JAKMIP3: variants seen among roughly 807,000 people sequenced by gnomAD.
JAKMIP3 encodes janus kinase and microtubule-interacting protein 3.
A neutral mutation model predicts 118.5 loss-of-function variants in JAKMIP3; 58 were observed. The observed-to-expected ratio is 0.49, with a 90% CI of 0.40 to 0.61. The LOEUF is 0.61. Ranked by LOEUF, JAKMIP3 falls within the 20% of genes least tolerant of loss-of-function variation. The pLI, the probability that JAKMIP3 is intolerant of heterozygous loss-of-function variation, is 0.00. For synonymous variants in JAKMIP3, 486 were observed against 451.2 expected (o/e 1.08, Z -0.98); for missense variants, 950 against 1,109.0 (o/e 0.86, Z 2.04).
chr10:132,044,904 A>AC lies in JAKMIP3; in HGVS notation c.-138+8168dup, dbSNP rs146224323. On this transcript the variant is annotated intron_variant, in intron 1 of 23. Coordinates refer to the JAKMIP3 transcript ENST00000657785. The surrounding 1 kb of genome is among the most constrained non-coding windows in gnomAD (Gnocchi z 5.3). ...TGCGTGTGTGTGACTGGCGTGCTTC[A>AC]CCGTGTTGCATGCGCGTCAGGATTT... Among the ~76,000 whole-genome samples the AC allele has an allele frequency of 0.15, 22,350 of 151,434 alleles. 1,894 individuals are homozygous for AC. Among genetic ancestry groups the AC allele is most frequent in the African/African-American group, 0.21 (8,549 of 41,218 alleles).
intron 8 of JAKMIP3, among the ~76,000 whole-genome samples, chr10:132,137,730 G>A (rs949532700): frequency 2.6e-5 from 4 of 152,212 alleles, no homozygotes; most frequent in Non-Finnish European, 4.4e-5. Flanking sequence ...TTTTAAGGGC[G>A]CCAGTCCCCA....
At chr10:132,061,465 G>T (rs1404016892), upstream of JAKMIP3, among the ~76,000 whole-genome samples, 1 of 152,180 alleles carries the variant, frequency 6.6e-6, no homozygotes, top group Non-Finnish European at 1.5e-5. Context: ...TTTCTTTCCC[G>T]GTTAATCTAT....
intron 9 of JAKMIP3, among the ~76,000 whole-genome samples, chr10:132,139,240 CTGTGTGTGTA>C (rs1353523916): frequency 0.026 from 2,211 of 84,892 alleles, 128 homozygotes; most frequent in African/African-American, 0.091. Context: ...GTATATGCAT[CTGTGTGTGTA>C]TGTGTGTGTG....
chr10:132,038,935 G>A (rs1231493787), intron 1 of JAKMIP3, among the ~76,000 whole-genome samples: 3 of 152,160 alleles, frequency 2.0e-5, no homozygotes, highest in Admixed American at 1.3e-4. Flanking sequence ...GGAGAAGCCC[G>A]GGATGGGCTG....
rs374759255 is a variant in JAKMIP3, at chr10:132,089,024, G to A, written c.-137-15648G>A. ...TCAAAGATCAGATGGTTGTAGATGT[G>A]TGGTATTATTTCTGAGGGCTCTGTT... On this transcript the variant is annotated intron_variant, in intron 1 of 23. Transcript: ENST00000684848. 6.6e-5 allele frequency among the ~76,000 whole-genome samples: 10 copies of A among 152,164 alleles called. No individual in the cohort carries two copies. In the East Asian group the frequency reaches 1.2e-3, roughly 18 times the overall value.
chr10:132,068,862 C>A (rs1054435062), intron 1 of JAKMIP3, among the ~76,000 whole-genome samples: 6 of 152,138 alleles, frequency 3.9e-5, no homozygotes, highest in African/African-American at 1.4e-4. Context: ...TCATGGGAAA[C>A]CCTCTCCTTG....
At chr10:132,129,081 T>C (rs2050133058) in intron 3 of JAKMIP3, among the ~76,000 whole-genome samples, 1 of 152,196 alleles carries the variant, frequency 6.6e-6, no homozygotes, top group Non-Finnish European at 1.5e-5. Flanking sequence ...CTGCGCATTA[T>C]GTTATTGTTG....
rs747495856 is a variant in JAKMIP3 at position 132,149,968 on chromosome 10, C to G, written c.1948-14C>G. The stretch of plus-strand genomic sequence containing the variant: ...CCCGTGGCCACTCACCCCTACCTGT[C>G]CTCTGTGCCTTAGGACATTGTGGTT... On this transcript the variant is annotated splice_polypyrimidine_tract_variant and intron_variant, in intron 15 of 23. Transcript: ENST00000684848. The G allele has an allele frequency of 6.7e-7, 1 of 1,492,028 alleles. No homozygotes were observed. Among genetic ancestry groups the G allele is most frequent in the Non-Finnish European group, 8.9e-7 (1 of 1,120,498 alleles). The allele number at this position is 1,492,028 out of a possible 1,614,324, so 92.4% of individuals were successfully genotyped here. A position where few individuals can be genotyped will look rare whatever the true frequency, so the allele number is the denominator to read the frequency against.
chr10:132,143,564 A>G (rs2054010302), intron 11 of JAKMIP3, among the ~76,000 whole-genome samples: 1 of 152,252 alleles, frequency 6.6e-6, no homozygotes, highest in Non-Finnish European at 1.5e-5. Context: ...GTTTAATGTC[A>G]TTTAGAATCA....
Position 132,112,296 on chromosome 10 carries a change from G to A in JAKMIP3, c.136-4781G>A, listed in dbSNP as rs1002069276. ...CCTCAGGTGTGGGAGCGGGGTCTCC[G>A]GGTGGTGGGAGATGCTGCCCAGAGA... On this transcript the variant is annotated intron_variant, in intron 2 of 23. Transcript: ENST00000684848. The surrounding 1 kb of genome is among the most constrained non-coding windows in gnomAD (Gnocchi z 4.3). 2.6e-5 allele frequency among the ~76,000 whole-genome samples: 4 copies of A among 151,946 alleles called. No individual in the cohort carries two copies. The highest frequency in any genetic ancestry group is 4.4e-5 in the Non-Finnish European group (3 of 67,952).
chr10:132,147,677 G>C (rs944645281), intron 13 of JAKMIP3, among the ~76,000 whole-genome samples: 2 of 152,326 alleles, frequency 1.3e-5, no homozygotes, highest in East Asian at 3.9e-4. Context: ...CTGTCCAGGG[G>C]CCACCCAAGC....
intron 8 of JAKMIP3, 75 bp from the exon 9 acceptor site, chr10:132,138,044 C>A: frequency 1.5e-6 from 2 of 1,352,058 alleles, no homozygotes; most frequent in Non-Finnish European, 2.1e-6. Flanking sequence ...TGATGGCACA[C>A]GGGCAGTAAA....
At chr10:132,078,809 C>G (rs1470639287) in intron 1 of JAKMIP3, among the ~76,000 whole-genome samples, 1 of 152,236 alleles carries the variant, frequency 6.6e-6, no homozygotes, top group Admixed American at 6.5e-5. Context: ...TTGGCCCGGC[C>G]GCCAGAACCT....
chr10:132,149,519 C>T lies in JAKMIP3; in HGVS notation c.1947+9C>T, dbSNP rs376677983. ...AGGCCGAAGGTGTGACGGTGAGTCCCGCCCCTCCTGCCCACTCCGCCCCCA... is the reference window on the plus strand; with the variant it reads ...AGGCCGAAGGTGTGACGGTGAGTCCTGCCCCTCCTGCCCACTCCGCCCCCA... On this transcript the variant is annotated intron_variant, in intron 15 of 23. Coordinates refer to ENST00000684848, the MANE Select transcript of JAKMIP3 (RefSeq NM_001323087.2). The T allele has an allele frequency of 1.4e-4, 204 of 1,499,504 alleles. 1 individual carries two copies. Among genetic ancestry groups the T allele is most frequent in the South Asian group, 7.8e-4 (64 of 82,558 alleles). 92.9% of individuals were successfully genotyped at this position (1,499,504 alleles called of 1,614,324 possible).
intron 4 of JAKMIP3, among the ~76,000 whole-genome samples, chr10:132,134,070 G>A (rs78829432): frequency 0.011 from 1,632 of 152,344 alleles, 24 homozygotes; most frequent in African/African-American, 0.036. Flanking sequence ...CTGTCGTGTG[G>A]GGTCTGCCGA....
At position 132,168,137 on chromosome 10, in the gene JAKMIP3, T is replaced by C. The variant is rs1366132023; in HGVS notation, c.*207T>C. On this transcript the variant is annotated 3_prime_UTR_variant, in exon 23 of 24. Transcript: ENST00000684848. ...CCGTCCACGTGGGATGTGCCAGAAC[T>C]AGAACTGGCTCTGCCGACTTCTCGG... The C allele has an allele frequency of 1.6e-6, 2 of 1,286,934 alleles. No homozygotes were observed. Among genetic ancestry groups the C allele is most frequent in the Non-Finnish European group, 2.0e-6 (2 of 987,392 alleles). The allele number at this position is 1,286,934 out of a possible 1,614,324, so 79.7% of individuals were successfully genotyped here. A position where few individuals can be genotyped will look rare whatever the true frequency, so the allele number is the denominator to read the frequency against.
chr10:132,111,351 C>CG (rs964715791), intron 2 of JAKMIP3, among the ~76,000 whole-genome samples: 1 of 151,598 alleles, frequency 6.6e-6, no homozygotes, highest in African/African-American at 2.4e-5. Flanking sequence ...GAGCAGAGAC[C>CG]CCCCCCATGA....
rs869250608 is a variant in JAKMIP3, at chr10:132,180,674, T to TGCGC, written c.*1104-1677_*1104-1674dup. On this transcript the variant is annotated intron_variant, in intron 23 of 23. Coordinates refer to ENST00000684848, the MANE Select transcript of JAKMIP3 (RefSeq NM_001323087.2). Reference sequence around the variant, plus strand: ...GTGCGTGTGCGTGTGTGCGTGTGTGTGCGCGCGCGTGTGTGTGCGTGCGTG... The same window carrying TGCGC: ...GTGCGTGTGCGTGTGTGCGTGTGTGTGCGCGCGCGCGCGTGTGTGTGCGTGCGTG... Among the ~76,000 whole-genome samples, 6 of 19,332 alleles carry TGCGC rather than the reference T, an allele frequency of 3.1e-4. 1 individual carries two copies. The highest frequency in any genetic ancestry group is 1.1e-3 in the African/African-American group (6 of 5,334). The allele number at this position is 19,332 out of a possible 152,430, so 12.7% of individuals were successfully genotyped here.
chr10:132,126,469 A>C (rs574704029), intron 3 of JAKMIP3, among the ~76,000 whole-genome samples: 21 of 152,160 alleles, frequency 1.4e-4, no homozygotes, highest in African/African-American at 4.8e-4. Flanking sequence ...TACCTGGCTA[A>C]GTTTTAAATT....
Sources: gnomAD v4.1 joint callset for allele counts (sites outside exome capture counted in the v4.1 genomes callset) on GRCh38, gnomAD v4.1.1 for gene constraint, Gnocchi (gnomAD v3.1) non-coding constraint, MANE v1.5 for transcripts, NCBI Gene and HGNC (gene_info 2026-07-23, HGNC 2026-07-21) for gene names.